UEVLD: variants seen among roughly 807,000 people sequenced by gnomAD.
UEVLD encodes the protein ubiquitin-conjugating enzyme E2 variant 3.
UEVLD carries 47 observed loss-of-function variants against 58.6 expected under a neutral mutation model. That is an observed-to-expected ratio of 0.80 (90% CI 0.63 to 1.02). The LOEUF (loss-of-function observed/expected upper bound fraction) is 1.02, where lower values mean the gene tolerates loss of function less well. Among genes scored for constraint, UEVLD ranks in the 50% least tolerant of loss-of-function variants. The pLI, the probability that UEVLD is intolerant of heterozygous loss-of-function variation, is 0.00. For missense variants in UEVLD, 510 were observed against 550.6 expected, an observed-to-expected ratio of 0.93 and a Z score of 0.74; for synonymous variants, 197 against 195.3, an observed-to-expected ratio of 1.01 and a Z score of -0.07.
intron 7 of UEVLD, among the ~76,000 whole-genome samples, chr11:18,554,392 A>ATTTTTT (rs34857682): frequency 9.3e-6 from 1 of 107,546 alleles, no homozygotes; most frequent in Non-Finnish European, 1.8e-5. Flanking sequence ...GTGCCTGGCC[A>ATTTTTT]TTTTTTTTTT....
At chr11:18,541,009 T>C (rs1036282995) in intron 9 of UEVLD, among the ~76,000 whole-genome samples, 2 of 152,232 alleles carry the variant, frequency 1.3e-5, no homozygotes, top group Non-Finnish European at 2.9e-5. Flanking sequence ...TTTTGGTAGG[T>C]TTTAAATTGT....
chr11:18,562,304 G>T (rs747028351), intron 6 of UEVLD, among the ~76,000 whole-genome samples: 1 of 152,108 alleles, frequency 6.6e-6, no homozygotes, highest in Admixed American at 6.5e-5. Context: ...CACTTTGGGA[G>T]GCTGAGGCAG....
At chr11:18,559,947 A>G (rs549203008) in intron 6 of UEVLD, among the ~76,000 whole-genome samples, 1 of 152,190 alleles carries the variant, frequency 6.6e-6, no homozygotes, top group African/African-American at 2.4e-5. Flanking sequence ...TATCAGACAG[A>G]AAGTGTGATG....
intron 9 of UEVLD, among the ~76,000 whole-genome samples, chr11:18,537,657 A>ATAT (rs35960383): frequency 0.065 from 9,719 of 150,190 alleles, 341 homozygotes; most frequent in Non-Finnish European, 0.08. Flanking sequence ...TCACACTTTA[A>ATAT]TATTATTATT....
At chr11:18,538,576 G>A (rs1850913300) in intron 9 of UEVLD, among the ~76,000 whole-genome samples, 1 of 151,520 alleles carries the variant, frequency 6.6e-6, no homozygotes, top group Admixed American at 6.6e-5. Flanking sequence ...GCCTCCCAAA[G>A]TGCTGGGATT....
Position 18,529,925 on chromosome 11 carries a change from A to T in UEVLD, c.*2395T>A, listed in dbSNP as rs554473852. On this transcript the variant is annotated 3_prime_UTR_variant, in exon 12 of 12. Transcript: ENST00000396197. ...ATCTGATACAGAGAATTACTTCTAC[A>T]TTGTGGCCTTCCAGAGGGCAAAGAC... The T allele has an allele frequency of 6.6e-6, 1 of 152,342 alleles. No homozygotes were observed. Among genetic ancestry groups the T allele is most frequent in the South Asian group, 2.1e-4 (1 of 4,830 alleles). 9.4% of individuals were successfully genotyped at this position (152,342 alleles called of 1,614,324 possible). A position where few individuals can be genotyped will look rare whatever the true frequency, so the allele number is the denominator to read the frequency against.
In UEVLD at chr11:18,544,852, C is replaced by T. The variant is rs1851222288; in HGVS notation, c.887-56G>A. ...AAGGTTAAAAAATATATACTTCTAG[C>T]CTAGCTCACAAATATTTATTATTTT... On this transcript the variant is annotated intron_variant, in intron 8 of 11. Coordinates refer to ENST00000396197, the MANE Select transcript of UEVLD (RefSeq NM_001040697.4). 4 of 1,307,732 alleles carry T rather than the reference C, an allele frequency of 3.1e-6. No individual in the cohort carries two copies. The East Asian group carries it at 1.1e-4, about 36-fold the overall frequency. 81.0% of individuals were successfully genotyped at this position (1,307,732 alleles called of 1,614,324 possible).
At chr11:18,575,910 C>G (rs929940669) in intron 2 of UEVLD, among the ~76,000 whole-genome samples, 32 of 152,326 alleles carry the variant, frequency 2.1e-4, no homozygotes, top group African/African-American at 6.5e-4. Flanking sequence ...ACTACGCCCC[C>G]TCAGCAGGAA....
chr11:18,568,087 G>A (rs1852387059), intron 4 of UEVLD, among the ~76,000 whole-genome samples: 1 of 152,216 alleles, frequency 6.6e-6, no homozygotes, highest in African/African-American at 2.4e-5. Flanking sequence ...TGAGGGTACA[G>A]TGAGCTATGA....
intron 9 of UEVLD, among the ~76,000 whole-genome samples, chr11:18,537,252 C>T (rs1850839558): frequency 6.6e-6 from 1 of 150,696 alleles, no homozygotes; most frequent in South Asian, 2.1e-4. Context: ...CCTTTTACTA[C>T]ATCATTTACA....
chr11:18,545,136 G>A lies in UEVLD; in HGVS notation c.887-340C>T, dbSNP rs1234437919. On this transcript the variant is annotated intron_variant, in intron 8 of 11. Transcript: ENST00000396197. ...CGCCCAGGCTGGAGTGCAGTGGCAC[G>A]ATCTCGGCTCACTGCAACCTCTGCC... Among the ~76,000 whole-genome samples the A allele has an allele frequency of 4.8e-5, 7 of 146,784 alleles. No individual in the cohort carries two copies. The South Asian group carries it at 6.4e-4, about 13-fold the overall frequency.
intron 10 of UEVLD, 120 bp downstream of exon 10, chr11:18,536,286 G>T: frequency 1.2e-6 from 1 of 869,414 alleles, no homozygotes; most frequent in Non-Finnish European, 1.9e-6. Flanking sequence ...TATACTTTTG[G>T]GTTTGTCCAT....
chr11:18,545,050 A>AAC (rs1851237751), intron 8 of UEVLD, among the ~76,000 whole-genome samples: 1 of 14,798 alleles, frequency 6.8e-5, no homozygotes. Flanking sequence ...ATCTATCTAT[A>AAC]TCTATATCTA....
chr11:18,586,882 A>G (rs1853590433), intron 1 of UEVLD, among the ~76,000 whole-genome samples: 1 of 152,114 alleles, frequency 6.6e-6, no homozygotes, highest in Non-Finnish European at 1.5e-5. Flanking sequence ...TACAAAAAAA[A>G]TTAGCCGGGC....
At chr11:18,566,528 G>A in intron 4 of UEVLD, 46 bp from the exon 5 acceptor site, 2 of 1,597,886 alleles carry the variant, frequency 1.3e-6, no homozygotes, top group South Asian at 2.2e-5. Context: ...AAATTTTGCT[G>A]AAGAATACTA....
At chr11:18,547,428 G>C (rs2133980202) in intron 7 of UEVLD, among the ~76,000 whole-genome samples, 1 of 152,304 alleles carries the variant, frequency 6.6e-6, no homozygotes, top group South Asian at 2.1e-4. Context: ...AGGAGGCTGA[G>C]GCAGAGATTC....
intron 7 of UEVLD, among the ~76,000 whole-genome samples, chr11:18,548,808 C>T (rs540966119): frequency 6.6e-6 from 1 of 152,180 alleles, no homozygotes; most frequent in Non-Finnish European, 1.5e-5. Context: ...ATTTTACTTC[C>T]TATTCTGATA....
intron 3 of UEVLD, 22 bp downstream of exon 3, chr11:18,575,325 T>G: frequency 2.5e-6 from 4 of 1,583,946 alleles, no homozygotes; most frequent in East Asian, 2.2e-5. Context: ...AACTCACACA[T>G]TTTTTCAACT....
chr11:18,588,561 C>G, intron 1 of UEVLD, 52 bp downstream of exon 1: 1 of 1,594,348 alleles, frequency 6.3e-7, no homozygotes, highest in Admixed American at 1.7e-5. Context: ...AAGGCAGAGG[C>G]ACCCCCCGCA....
Sources: allele counts gnomAD v4.1 joint callset (sites outside exome capture counted in the v4.1 genomes callset), GRCh38; gene constraint gnomAD v4.1.1; transcripts MANE v1.5; gene names NCBI Gene and HGNC (gene_info 2026-07-23, HGNC 2026-07-21).